DYTN: variants seen among roughly 807,000 people sequenced by gnomAD.
DYTN encodes dystrotelin.
Under a neutral mutation model 69.6 loss-of-function variants are expected in DYTN, and 75 were observed. The observed-to-expected ratio is 1.08, with a 90% confidence interval of 0.89 to 1.31. The LOEUF (loss-of-function observed/expected upper bound fraction) is 1.31, where lower values mean the gene tolerates loss of function less well. Ranked by LOEUF, DYTN falls within the 50% of genes most tolerant of loss-of-function variation. DYTN has a pLI of 0.00. For synonymous variants in DYTN, 252 were observed against 249.1 expected (o/e 1.01, Z -0.11); for missense variants, 726 against 688.4 (o/e 1.05, Z -0.61).
intron 1 of DYTN, among the ~76,000 whole-genome samples, chr2:206,715,185 A>G (rs998033067): frequency 6.6e-6 from 1 of 152,074 alleles, no homozygotes; most frequent in South Asian, 2.1e-4. Context: ...AACAGGCAGG[A>G]GCTATTAGGT....
intron 5 of DYTN, among the ~76,000 whole-genome samples, chr2:206,704,367 C>T (rs1700004763): frequency 6.6e-6 from 1 of 152,102 alleles, no homozygotes; most frequent in South Asian, 2.1e-4. Flanking sequence ...AGAAGTCAGG[C>T]ATGGAGAACT....
At chr2:206,658,464 C>A (rs965356248) in intron 11 of DYTN, among the ~76,000 whole-genome samples, 70 of 151,380 alleles carry the variant, frequency 4.6e-4, no homozygotes, top group African/African-American at 1.7e-3. Context: ...TGGCCTCATA[C>A]AGAAGACCCT....
chr2:206,660,727 A>G (rs576376129), intron 11 of DYTN, among the ~76,000 whole-genome samples: 1 of 152,358 alleles, frequency 6.6e-6, no homozygotes, highest in South Asian at 2.1e-4. Flanking sequence ...TACTTCTGGC[A>G]TCTTTCTGAA....
chr2:206,669,601 A>G (rs1405071333), intron 9 of DYTN, among the ~76,000 whole-genome samples: 1 of 152,230 alleles, frequency 6.6e-6, no homozygotes, highest in Admixed American at 6.5e-5. Flanking sequence ...TTAGTTTAAA[A>G]TGATTCATTT....
intron 9 of DYTN, chr2:206,670,542 T>G (rs953056587): frequency 6.6e-6 from 1 of 152,152 alleles, no homozygotes; most frequent in Non-Finnish European, 1.5e-5. Context: ...CGGCAGTTCA[T>G]TCCTAGTGCT....
chr2:206,692,104 C>T (rs1296636113), intron 9 of DYTN, among the ~76,000 whole-genome samples: 1 of 151,792 alleles, frequency 6.6e-6, no homozygotes, highest in Non-Finnish European at 1.5e-5. Flanking sequence ...AGTGAGACCC[C>T]CATCTCTATA....
intron 1 of DYTN, among the ~76,000 whole-genome samples, chr2:206,711,742 C>T (rs1351630164): frequency 6.6e-6 from 1 of 151,718 alleles, no homozygotes; most frequent in Admixed American, 6.6e-5. Flanking sequence ...CCCTTCCCCC[C>T]ACCCCACAAC....
intron 9 of DYTN, among the ~76,000 whole-genome samples, chr2:206,687,537 T>G (rs1319765450): frequency 6.6e-6 from 1 of 152,230 alleles, no homozygotes; most frequent in African/African-American, 2.4e-5. Context: ...ACAAAATGTT[T>G]AAAATTACAT....
chr2:206,666,384 T>A (rs1699572850), intron 9 of DYTN, among the ~76,000 whole-genome samples: 1 of 152,254 alleles, frequency 6.6e-6, no homozygotes, highest in Non-Finnish European at 1.5e-5. Context: ...TTGTTCACCA[T>A]GTGCAGCTGC....
intron 9 of DYTN, among the ~76,000 whole-genome samples, chr2:206,688,089 C>T (rs527243197): frequency 7.2e-5 from 11 of 152,244 alleles, no homozygotes; most frequent in Admixed American, 4.6e-4. Flanking sequence ...TATAAGGCTA[C>T]CATGAACAGT....
intron 9 of DYTN, among the ~76,000 whole-genome samples, chr2:206,673,107 A>C (rs968520141): frequency 6.6e-6 from 1 of 152,038 alleles, no homozygotes; most frequent in Non-Finnish European, 1.5e-5. Flanking sequence ...AGTAGGCCCC[A>C]GTGTGTGTTG....
intron 11 of DYTN, among the ~76,000 whole-genome samples, chr2:206,654,498 C>T (rs759735925): frequency 5.9e-5 from 9 of 152,044 alleles, no homozygotes; most frequent in African/African-American, 1.2e-4. Context: ...AAATAACATA[C>T]AAAATATTTG....
intron 1 of DYTN, among the ~76,000 whole-genome samples, chr2:206,713,434 A>G (rs141713254): frequency 7.7e-4 from 117 of 152,290 alleles, no homozygotes; most frequent in African/African-American, 2.7e-3. Flanking sequence ...GCTGTGGTAG[A>G]GAGAGGGAGG....
At chr2:206,695,555 G>A (rs954600553) in intron 7 of DYTN, among the ~76,000 whole-genome samples, 3 of 152,110 alleles carry the variant, frequency 2.0e-5, no homozygotes, top group East Asian at 3.9e-4. Flanking sequence ...CAGAAGGAGC[G>A]GAGAGAGTCT....
intron 11 of DYTN, among the ~76,000 whole-genome samples, chr2:206,654,002 C>T (rs1699417873): frequency 6.6e-6 from 1 of 152,176 alleles, no homozygotes; most frequent in Non-Finnish European, 1.5e-5. Context: ...AAACATACCC[C>T]ACTTCAAAAT....
chr2:206,708,454 T>G (rs191186902), intron 2 of DYTN, among the ~76,000 whole-genome samples: 60 of 152,328 alleles, frequency 3.9e-4, no homozygotes, highest in Non-Finnish European at 1.3e-4. Context: ...AATAAAAATT[T>G]TTATTTGTTC....
intron 9 of DYTN, among the ~76,000 whole-genome samples, chr2:206,675,008 CTTGAAT>C (rs1005003683): frequency 2.0e-5 from 3 of 151,312 alleles, no homozygotes; most frequent in Admixed American, 6.6e-5. Flanking sequence ...CCCATTATCT[CTTGAAT>C]TATCTATCAT....
At chr2:206,666,689 T>C (rs532486593) in intron 9 of DYTN, among the ~76,000 whole-genome samples, 1 of 152,230 alleles carries the variant, frequency 6.6e-6, no homozygotes, top group East Asian at 1.9e-4. Flanking sequence ...TAGTTGTTCA[T>C]TGGTTTAAGA....
At chr2:206,671,443 A>G (rs1699628640) in intron 9 of DYTN, among the ~76,000 whole-genome samples, 1 of 152,234 alleles carries the variant, frequency 6.6e-6, no homozygotes, top group Admixed American at 6.5e-5. Context: ...TCTTCATTCA[A>G]ATACTTAAAC....
Sources: gnomAD v4.1 joint callset for allele counts (sites outside exome capture counted in the v4.1 genomes callset) on GRCh38, gnomAD v4.1.1 for gene constraint, MANE v1.5 for transcripts, NCBI Gene and HGNC (gene_info 2026-07-23, HGNC 2026-07-21) for gene names.